BABAM2: variants seen among roughly 807,000 people sequenced by gnomAD.
BABAM2 encodes BRISC and BRCA1 A complex member 2, also known as BRISC and BRCA1-A complex member 2.
A neutral mutation model predicts 54.7 loss-of-function variants in BABAM2; 31 were observed. That is an observed-to-expected ratio of 0.57 (90% CI 0.43 to 0.77). The LOEUF is 0.77. BABAM2 is among the 30% of genes least tolerant of loss of function. BABAM2 has a pLI of 0.00. For synonymous variants in BABAM2, 167 were observed against 162.9 expected (o/e 1.03, Z -0.19); for missense variants, 364 against 455.8 (o/e 0.80, Z 1.83).
chr2:28,190,389 T>C (rs1676767958), intron 7 of BABAM2, among the ~76,000 whole-genome samples: 1 of 152,030 alleles, frequency 6.6e-6, no homozygotes, highest in Admixed American at 6.6e-5. Flanking sequence ...CTGTAGTCTC[T>C]TTTAAAAGGG....
At chr2:28,216,328 A>T (rs1227666425) in intron 7 of BABAM2, among the ~76,000 whole-genome samples, 1 of 152,168 alleles carries the variant, frequency 6.6e-6, no homozygotes, top group East Asian at 1.9e-4. Context: ...GCATTCTGTA[A>T]ACTCCTAACA....
chr2:28,322,730 A>G lies in BABAM2; in HGVS notation c.1089-15720A>G, dbSNP rs1447658136. Among the ~76,000 whole-genome samples the G allele has an allele frequency of 6.6e-6, 1 of 151,144 alleles. No individual in the cohort carries two copies. The highest frequency in any genetic ancestry group is 1.5e-5 in the Non-Finnish European group (1 of 67,816). On this transcript the variant is annotated intron_variant, in intron 11 of 11. Coordinates refer to ENST00000379624, the MANE Select transcript of BABAM2 (RefSeq NM_199191.3). This position sits in a 1 kb window ranked among gnomAD's most constrained non-coding sequence, Gnocchi z 4.1. ...TGGGTAGGTGTCAGGTAGGTGGGAG[A>G]CCCCCAGCATGTTGCAGGCCCAGGA...
intron 7 of BABAM2, among the ~76,000 whole-genome samples, chr2:28,234,764 C>T (rs557156382): frequency 6.6e-6 from 1 of 152,290 alleles, no homozygotes; most frequent in South Asian, 2.1e-4. Context: ...AATCAGCTTT[C>T]TATCCTTATG....
intron 7 of BABAM2, among the ~76,000 whole-genome samples, chr2:28,222,932 G>C (rs1355011219): frequency 6.6e-6 from 1 of 152,208 alleles, no homozygotes; most frequent in African/African-American, 2.4e-5. Context: ...GGCCCGCCCC[G>C]CACTCTGTCT....
chr2:28,233,220 C>T (rs1681585620), intron 7 of BABAM2: 1 of 471,478 alleles, frequency 2.1e-6, no homozygotes, highest in Non-Finnish European at 4.4e-6. Flanking sequence ...TCAGAAGTAT[C>T]AGTGCCAAGT....
chr2:27,971,158 A>T (rs1671186385), intron 3 of BABAM2, among the ~76,000 whole-genome samples: 1 of 152,108 alleles, frequency 6.6e-6, no homozygotes. Flanking sequence ...TTGGGACTGT[A>T]TCCTGTTCTG....
chr2:27,961,958 G>A (rs958191159), intron 3 of BABAM2, among the ~76,000 whole-genome samples: 1 of 151,716 alleles, frequency 6.6e-6, no homozygotes, highest in African/African-American at 2.4e-5. Context: ...GCAAACTCCT[G>A]GGCTCAAATG....
chr2:28,234,515 C>T (rs1031262636), intron 7 of BABAM2, among the ~76,000 whole-genome samples: 2 of 152,130 alleles, frequency 1.3e-5, no homozygotes, highest in Non-Finnish European at 2.9e-5. Flanking sequence ...AATTTAATGA[C>T]TGATTAAAGA....
chr2:28,187,260 A>G (rs1210550433), intron 7 of BABAM2, among the ~76,000 whole-genome samples: 1 of 152,178 alleles, frequency 6.6e-6, no homozygotes, highest in African/African-American at 2.4e-5. Flanking sequence ...AAGTGAAGCT[A>G]TTAAGCTCCT....
chr2:28,222,066 C>T (rs1421914412), intron 7 of BABAM2, among the ~76,000 whole-genome samples: 1 of 152,170 alleles, frequency 6.6e-6, no homozygotes, highest in Non-Finnish European at 1.5e-5. Context: ...GAGCCTGGGG[C>T]CCCATCGAAT....
At chr2:28,072,926 C>T (rs1354773768) in intron 6 of BABAM2, among the ~76,000 whole-genome samples, 1 of 152,230 alleles carries the variant, frequency 6.6e-6, no homozygotes, top group Admixed American at 6.5e-5. Context: ...ACTGTATCTC[C>T]TCTCCTGTTT....
intron 2 of BABAM2, chr2:27,894,988 T>C: frequency 3.3e-6 from 1 of 301,352 alleles, no homozygotes; most frequent in Non-Finnish European, 6.2e-6. Flanking sequence ...TGGCTTGTTT[T>C]CTTATTGTGT....
At chr2:28,328,478 TCTC>T (rs1690674449) in intron 11 of BABAM2, among the ~76,000 whole-genome samples, 1 of 152,106 alleles carries the variant, frequency 6.6e-6, no homozygotes, top group Admixed American at 6.5e-5. Flanking sequence ...CTGAACCACT[TCTC>T]CTACCACACC....
intron 6 of BABAM2, among the ~76,000 whole-genome samples, chr2:28,085,867 A>T (rs1423657790): frequency 6.6e-6 from 1 of 152,112 alleles, no homozygotes; most frequent in Non-Finnish European, 1.5e-5. Context: ...TCTTTATTTT[A>T]CTTTAAATGA....
intron 6 of BABAM2, among the ~76,000 whole-genome samples, chr2:28,056,016 G>A (rs944717561): frequency 2.6e-5 from 4 of 152,210 alleles, no homozygotes; most frequent in Non-Finnish European, 5.9e-5. Flanking sequence ...GCATGATCTC[G>A]CTTGTATGTA....
At chr2:28,133,305 A>G (rs987387567) in intron 7 of BABAM2, among the ~76,000 whole-genome samples, 3 of 152,206 alleles carry the variant, frequency 2.0e-5, no homozygotes, top group Non-Finnish European at 2.9e-5. Context: ...GTTTTATACT[A>G]TCTTGTCAAC....
intron 7 of BABAM2, among the ~76,000 whole-genome samples, chr2:28,229,761 A>G (rs1162006374): frequency 6.6e-6 from 1 of 151,818 alleles, no homozygotes; most frequent in East Asian, 1.9e-4. Context: ...TAGTTTTTGT[A>G]TTTTTAGTAG....
intron 5 of BABAM2, among the ~76,000 whole-genome samples, chr2:28,032,439 TC>T (rs1188781651): frequency 1.3e-5 from 2 of 152,132 alleles, no homozygotes; most frequent in African/African-American, 4.8e-5. Context: ...GACACTCTTC[TC>T]CCTGCCCCCT....
intron 10 of BABAM2, among the ~76,000 whole-genome samples, chr2:28,280,148 T>C (rs1352580602): frequency 6.6e-6 from 1 of 151,830 alleles, no homozygotes; most frequent in African/African-American, 2.4e-5. Context: ...AGCCTTGACC[T>C]CCTGGGCTCA....
Sources: allele counts gnomAD v4.1 joint callset (sites outside exome capture counted in the v4.1 genomes callset), GRCh38; gene constraint gnomAD v4.1.1; non-coding constraint Gnocchi (gnomAD v3.1); transcripts MANE v1.5; gene names NCBI Gene and HGNC (gene_info 2026-07-23, HGNC 2026-07-21).